Variants in CHD6 observed in about 807,000 individuals in gnomAD.
CHD6 encodes the protein ATP-dependent chromatin remodeler CHD6.
Under a neutral mutation model 276.9 loss-of-function variants are expected in CHD6, and 50 were observed. The observed-to-expected ratio is 0.18, with a 90% CI of 0.14 to 0.23. CHD6 has a LOEUF of 0.23. Ranked by LOEUF, CHD6 falls within the 10% of genes least tolerant of loss-of-function variation. CHD6 has a pLI of 1.00. For synonymous variants in CHD6, 1,173 were observed against 1,229.3 expected (o/e 0.95, Z 0.96); for missense variants, 2,564 against 3,365.8 (o/e 0.76, Z 5.89).
intron 27 of CHD6, among the ~76,000 whole-genome samples, chr20:41,427,630 G>T (rs965314216): frequency 8.5e-5 from 13 of 152,140 alleles, no homozygotes; most frequent in South Asian, 2.1e-4. Flanking sequence ...ATGAAAATTT[G>T]TCTTGGAGAG....
chr20:41,618,305 A>G (rs1331071733), intron 1 of CHD6, 35 bp downstream of exon 1: 1 of 151,590 alleles, frequency 6.6e-6, no homozygotes, highest in East Asian at 2.0e-4. Context: ...CGCCGAGGCC[A>G]GGGAGGAAAA....
In CHD6 at chr20:41,533,418, A is replaced by G; in HGVS notation, c.186T>C (p.Tyr62=). Residue 62 remains tyrosine (Y), a synonymous_variant, in exon 3 of 37, where the codon TAT becomes TAC. Coordinates refer to ENST00000373233, the MANE Select transcript of CHD6 (RefSeq NM_032221.5). Reference sequence around the variant, plus strand: ...GGGTAGCAGCTTCCTCTTCAGCAGTATACAGGTCCTTCTGAGGCAGACAGT... The same window carrying G: ...GGGTAGCAGCTTCCTCTTCAGCAGTGTACAGGTCCTTCTGAGGCAGACAGT... ...ASHCLPQKDL[Y]TAEEEAATLF... The G allele has an allele frequency of 6.2e-7, 1 of 1,614,112 alleles. No individual in the cohort carries two copies. Among genetic ancestry groups the G allele is most frequent in the Non-Finnish European group, 8.5e-7 (1 of 1,180,028 alleles).
intron 17 of CHD6, among the ~76,000 whole-genome samples, chr20:41,461,127 T>G (rs530963949): frequency 3.9e-4 from 60 of 152,266 alleles, no homozygotes; most frequent in Non-Finnish European, 7.1e-4. Context: ...TTGGAATGGC[T>G]GTATTTACCC....
intron 24 of CHD6, among the ~76,000 whole-genome samples, chr20:41,447,199 AAG>A (rs2048096246): frequency 6.6e-6 from 1 of 152,188 alleles, no homozygotes; most frequent in South Asian, 2.1e-4. Context: ...AAGCAAGAGA[AAG>A]AAGAAACCAC....
intron 2 of CHD6, among the ~76,000 whole-genome samples, chr20:41,546,586 T>C (rs2045047435): frequency 6.6e-6 from 1 of 152,194 alleles, no homozygotes; most frequent in African/African-American, 2.4e-5. Flanking sequence ...AATATTCCTA[T>C]ATCATTGTTT....
intron 1 of CHD6, among the ~76,000 whole-genome samples, chr20:41,558,268 T>G (rs1214740250): frequency 1.3e-5 from 2 of 152,214 alleles, no homozygotes; most frequent in Non-Finnish European, 2.9e-5. Context: ...GAAAGCAGTT[T>G]GGATCTGGGC....
At chr20:41,618,201 G>A in intron 1 of CHD6, 139 bp downstream of exon 1, 1 of 151,968 alleles carries the variant, frequency 6.6e-6, no homozygotes, top group South Asian at 1.9e-4. Context: ...GCCGGGCCTG[G>A]ACGCCGCCGC....
chr20:41,459,191 T>G (rs1332890469), intron 17 of CHD6, among the ~76,000 whole-genome samples: 1 of 152,090 alleles, frequency 6.6e-6, no homozygotes, highest in African/African-American at 2.4e-5. Context: ...CCTGCCCACA[T>G]TCTTCCCCTA....
intron 1 of CHD6, among the ~76,000 whole-genome samples, chr20:41,596,858 G>A (rs187688007): frequency 6.6e-6 from 1 of 152,216 alleles, no homozygotes; most frequent in African/African-American, 2.4e-5. Flanking sequence ...ATAGAGAACT[G>A]GAAATGGAAA....
chr20:41,483,633 G>A (rs2043345344), intron 15 of CHD6, 114 bp from the exon 16 acceptor site: 1 of 733,972 alleles, frequency 1.4e-6, no homozygotes, highest in South Asian at 1.9e-5. Context: ...TAGACCAGCA[G>A]TCCAGTGAGG....
intron 4 of CHD6, among the ~76,000 whole-genome samples, 168 bp downstream of exon 4, chr20:41,514,637 C>T (rs1043227506): frequency 1.3e-5 from 2 of 152,104 alleles, no homozygotes; most frequent in Admixed American, 6.5e-5. Flanking sequence ...ACTGATCGGG[C>T]TAGGGCAAAA....
chr20:41,569,391 T>C (rs751397401), intron 1 of CHD6, among the ~76,000 whole-genome samples: 9 of 152,244 alleles, frequency 5.9e-5, no homozygotes, highest in African/African-American at 2.2e-4. Flanking sequence ...TTTAAACTCA[T>C]ACTATATTAG....
intron 1 of CHD6, among the ~76,000 whole-genome samples, chr20:41,572,527 C>A (rs1217402957): frequency 6.6e-6 from 1 of 152,150 alleles, no homozygotes; most frequent in Non-Finnish European, 1.5e-5. Flanking sequence ...ATGCCATGTA[C>A]CACTTCCCTC....
chr20:41,485,159 T>A (rs1374764351), intron 14 of CHD6, among the ~76,000 whole-genome samples: 4 of 152,202 alleles, frequency 2.6e-5, no homozygotes, highest in African/African-American at 9.6e-5. Context: ...ATGGAATCTG[T>A]CACATCAGGG....
chr20:41,545,784 C>G (rs140736946), intron 2 of CHD6, among the ~76,000 whole-genome samples: 1 of 152,126 alleles, frequency 6.6e-6, no homozygotes, highest in African/African-American at 2.4e-5. Flanking sequence ...CTTCCCACCA[C>G]GTCTTTCAAC....
chr20:41,555,210 A>G (rs1317071640), intron 1 of CHD6, among the ~76,000 whole-genome samples: 3 of 128,026 alleles, frequency 2.3e-5, no homozygotes, highest in East Asian at 3.4e-4. Flanking sequence ...CACCTCCCGG[A>G]TGGGGCGGCT....
At chr20:41,499,151 T>C in intron 6 of CHD6, 144 bp downstream of exon 6, 1 of 573,176 alleles carries the variant, frequency 1.7e-6, no homozygotes, top group Non-Finnish European at 3.0e-6. Context: ...GGGGTAAAAA[T>C]AAGTGTTGGC....
chr20:41,500,344 A>G (rs1421799493), intron 5 of CHD6, among the ~76,000 whole-genome samples: 2 of 152,210 alleles, frequency 1.3e-5, no homozygotes, highest in African/African-American at 4.8e-5. Flanking sequence ...TCTTAAATCA[A>G]GCTTTTCCCA....
intron 1 of CHD6, among the ~76,000 whole-genome samples, chr20:41,577,022 T>C (rs951631524): frequency 7.2e-5 from 11 of 152,192 alleles, no homozygotes; most frequent in African/African-American, 2.6e-4. Context: ...TAAATACACA[T>C]GCTAAAGTAA....
Sources: allele counts gnomAD v4.1 joint callset (sites outside exome capture counted in the v4.1 genomes callset), GRCh38; gene constraint gnomAD v4.1.1; transcripts MANE v1.5; gene names NCBI Gene and HGNC (gene_info 2026-07-23, HGNC 2026-07-21).